The following CDH13 variants were observed in gnomAD, a reference collection of about 807,000 sequenced individuals.
The protein encoded by CDH13 is cadherin-13.
CDH13 carries 24 observed loss-of-function variants against 63.8 expected under a neutral mutation model. That is an observed-to-expected ratio of 0.38 (90% CI 0.27 to 0.53). The LOEUF (loss-of-function observed/expected upper bound fraction) is 0.53, where lower values mean the gene tolerates loss of function less well. Ranked by LOEUF, CDH13 falls within the 20% of genes least tolerant of loss-of-function variation. The pLI is 0.85. For synonymous variants in CDH13, 503 were observed against 355.3 expected (o/e 1.42, Z -4.67); for missense variants, 1,049 against 903.1 (o/e 1.16, Z -2.07).
chr16:83,700,487 G>A (rs1176311657), intron 10 of CDH13, among the ~76,000 whole-genome samples: 3 of 152,218 alleles, frequency 2.0e-5, no homozygotes, highest in Non-Finnish European at 2.9e-5. Flanking sequence ...TATGTGCCAG[G>A]CACTGTTGTT....
At chr16:82,697,739 TTGTGTGTGTGTGTGTGTGTGTGTGTGTG>T (rs56791322) in intron 1 of CDH13, among the ~76,000 whole-genome samples, 2 of 146,582 alleles carry the variant, frequency 1.4e-5, no homozygotes, top group Admixed American at 6.7e-5. Flanking sequence ...GGCCGAGGCA[TTGTGTGTGTGTGTGTGTGTGTGTGTGTG>T]TGTGTGTGTG....
chr16:83,088,810 G>A (rs746444807), intron 3 of CDH13, among the ~76,000 whole-genome samples: 2 of 152,158 alleles, frequency 1.3e-5, no homozygotes, highest in Non-Finnish European at 2.9e-5. Context: ...TTTAGAAGCT[G>A]GTGGTTAATA....
At chr16:83,622,409 A>G (rs958773094) in intron 8 of CDH13, among the ~76,000 whole-genome samples, 1 of 152,226 alleles carries the variant, frequency 6.6e-6, no homozygotes, top group African/African-American at 2.4e-5. Context: ...ACCAGCCTTC[A>G]TCAGGAGACT....
chr16:82,927,758 A>C (rs931923420), intron 2 of CDH13, among the ~76,000 whole-genome samples: 10 of 152,108 alleles, frequency 6.6e-5, no homozygotes, highest in Non-Finnish European at 1.0e-4. Context: ...TGTGTTACTC[A>C]CCGCTCAGTC....
In CDH13 at chr16:82,644,475, T is replaced by G. The variant is rs564447986; in HGVS notation, c.45+17338T>G. ...CTATCCTTTGTCATGTTGAAAATGC[T>G]GAGTGACAAAGCCATTAGCCATGCA... On this transcript the variant is annotated intron_variant, in intron 1 of 13. Transcript: ENST00000567109. This position sits in a 1 kb window ranked among gnomAD's most constrained non-coding sequence, Gnocchi z 5.7. Among the ~76,000 whole-genome samples, 3 of 152,316 alleles carry G rather than the reference T, an allele frequency of 2.0e-5. No homozygotes were observed. Among genetic ancestry groups the G allele is most frequent in the African/African-American group, 7.2e-5 (3 of 41,558 alleles).
At chr16:83,743,284 G>C (rs556533497) in intron 10 of CDH13, among the ~76,000 whole-genome samples, 170 of 152,204 alleles carry the variant, frequency 1.1e-3, no homozygotes, top group African/African-American at 3.9e-3. Flanking sequence ...GCACAGCTCT[G>C]GATACTTGAT....
At chr16:83,238,728 C>G (rs956165925) in intron 5 of CDH13, among the ~76,000 whole-genome samples, 1 of 124,040 alleles carries the variant, frequency 8.1e-6, no homozygotes, top group Non-Finnish European at 1.7e-5. Context: ...ACCAGTACCT[C>G]CATATGTGTT....
chr16:82,746,438 A>T (rs1308300267), intron 1 of CDH13, among the ~76,000 whole-genome samples: 1 of 152,070 alleles, frequency 6.6e-6, no homozygotes, highest in African/African-American at 2.4e-5. Flanking sequence ...AGGGAAATAG[A>T]TTCCAGAATT....
intron 2 of CDH13, among the ~76,000 whole-genome samples, chr16:82,879,110 C>T (rs1478004311): frequency 6.6e-6 from 1 of 152,114 alleles, no homozygotes; most frequent in Non-Finnish European, 1.5e-5. Context: ...TTGCCTTGAG[C>T]TTTGCAGGCT....
intron 1 of CDH13, among the ~76,000 whole-genome samples, chr16:82,804,018 A>G (rs1408495957): frequency 2.6e-5 from 4 of 152,154 alleles, no homozygotes; most frequent in African/African-American, 9.7e-5. Context: ...TCACGAGGTC[A>G]AGAGATCGAG....
intron 1 of CDH13, among the ~76,000 whole-genome samples, chr16:82,649,688 A>T (rs1053167202): frequency 2.0e-5 from 3 of 152,164 alleles, no homozygotes; most frequent in South Asian, 4.1e-4. Context: ...GATGTAAGAG[A>T]GAAAAATGAT....
At chr16:83,278,098 G>A (rs752745518) in intron 5 of CDH13, among the ~76,000 whole-genome samples, 3 of 152,176 alleles carry the variant, frequency 2.0e-5, no homozygotes, top group Admixed American at 6.5e-5. Context: ...GGAATCAGGC[G>A]CTAAGTATTG....
chr16:83,247,309 G>A (rs1402129936), intron 5 of CDH13, among the ~76,000 whole-genome samples: 1 of 152,156 alleles, frequency 6.6e-6, no homozygotes, highest in Non-Finnish European at 1.5e-5. Flanking sequence ...TGGAGGCTTG[G>A]GGAGAATAAG....
intron 6 of CDH13, among the ~76,000 whole-genome samples, chr16:83,445,861 A>C (rs560937290): frequency 3.7e-4 from 57 of 152,310 alleles, no homozygotes; most frequent in African/African-American, 1.3e-3. Context: ...ATACTGAAGT[A>C]GGAGGAAGAT....
At chr16:83,770,903 C>A in intron 11 of CDH13, among the ~76,000 whole-genome samples, 1 of 152,132 alleles carries the variant, frequency 6.6e-6, no homozygotes, top group Non-Finnish European at 1.5e-5. Flanking sequence ...GCCTTAACCA[C>A]CTGGGAAGGC....
At chr16:83,307,265 A>G (rs566361182) in intron 5 of CDH13, among the ~76,000 whole-genome samples, 1 of 152,280 alleles carries the variant, frequency 6.6e-6, no homozygotes, top group South Asian at 2.1e-4. Flanking sequence ...CCTGGAAAGC[A>G]CACATCTGAG....
chr16:83,043,728 G>A (rs1290361533), intron 3 of CDH13, among the ~76,000 whole-genome samples: 7 of 151,692 alleles, frequency 4.6e-5, no homozygotes, highest in African/African-American at 1.5e-4. Flanking sequence ...GCATGGTGGT[G>A]CATGCCTGTA....
chr16:82,726,655 T>C (rs1049336543), intron 1 of CDH13, among the ~76,000 whole-genome samples: 1 of 152,222 alleles, frequency 6.6e-6, no homozygotes, highest in African/African-American at 2.4e-5. Context: ...TGCCTCAGTC[T>C]CCTCTTCTGC....
chr16:83,748,723 A>G (rs1457683524), intron 11 of CDH13, among the ~76,000 whole-genome samples: 1 of 152,192 alleles, frequency 6.6e-6, no homozygotes, highest in Non-Finnish European at 1.5e-5. Context: ...CACAACCACA[A>G]AGCAATTGCT....
Sources: gnomAD v4.1 joint callset for allele counts (sites outside exome capture counted in the v4.1 genomes callset) on GRCh38, gnomAD v4.1.1 for gene constraint, Gnocchi (gnomAD v3.1) non-coding constraint, MANE v1.5 for transcripts, NCBI Gene and HGNC (gene_info 2026-07-23, HGNC 2026-07-21) for gene names.